The following PSTPIP2 variants were observed in gnomAD, a reference collection of about 807,000 sequenced individuals.
The protein encoded by PSTPIP2 is proline-serine-threonine phosphatase interacting protein 2.
Under a neutral mutation model 63.3 loss-of-function variants are expected in PSTPIP2, and 33 were observed. That is an observed-to-expected ratio of 0.52 (90% CI 0.40 to 0.70). PSTPIP2 has a LOEUF of 0.70. Among genes scored for constraint, PSTPIP2 ranks in the 30% least tolerant of loss-of-function variants. The pLI, the probability that PSTPIP2 is intolerant of heterozygous loss-of-function variation, is 0.00. For missense variants in PSTPIP2, 312 were observed against 400.7 expected, an observed-to-expected ratio of 0.78 and a Z score of 1.89; for synonymous variants, 125 against 132.7, an observed-to-expected ratio of 0.94 and a Z score of 0.40.
intron 9 of PSTPIP2, among the ~76,000 whole-genome samples, chr18:45,995,096 T>C (rs2051580022): frequency 1.3e-5 from 2 of 152,018 alleles, no homozygotes; most frequent in South Asian, 4.1e-4. Flanking sequence ...GGTTGTTTCG[T>C]TGTTTGGTTT....
chr18:45,987,994 CTTT>C (rs2051485067), intron 14 of PSTPIP2, among the ~76,000 whole-genome samples: 1 of 152,164 alleles, frequency 6.6e-6, no homozygotes, highest in South Asian at 2.1e-4. Context: ...ATTTGCACTT[CTTT>C]TTATTTGACT....
rs533241780 is a variant in PSTPIP2 at position 46,011,644 on chromosome 18, C to A, written c.248-357G>T. On this transcript the variant is annotated intron_variant, in intron 4 of 14. Transcript: ENST00000409746. Reference sequence around the variant, plus strand: ...TTGACTCTTCATTCTCTGTAGATGACCTCTAAGTTTCCTTCCATCTCTAAT... The same window carrying A: ...TTGACTCTTCATTCTCTGTAGATGAACTCTAAGTTTCCTTCCATCTCTAAT... Among the ~76,000 whole-genome samples the A allele has an allele frequency of 6.6e-5, 10 of 152,230 alleles. No homozygotes were observed. The South Asian group carries it at 2.1e-3, about 32-fold the overall frequency.
chr18:46,036,383 A>T (rs1907981214), intron 2 of PSTPIP2, among the ~76,000 whole-genome samples: 1 of 152,202 alleles, frequency 6.6e-6, no homozygotes, highest in Non-Finnish European at 1.5e-5. Context: ...AAGGTCAGAC[A>T]GCTAATAAGG....
In PSTPIP2 at chr18:45,987,135, A is replaced by C. The variant is rs7244712; in HGVS notation, c.*8+1567T>G. ...ATTACAGGCGTGAGCCACTGTGCCC[A>C]GTCATTAGCTGATTATTTTTATGTA... On this transcript the variant is annotated intron_variant, in intron 14 of 14. Transcript: ENST00000409746. 2.4e-4 allele frequency among the ~76,000 whole-genome samples: 37 copies of C among 152,188 alleles called. 1 individual carries two copies. The East Asian group carries it at 4.1e-3, about 17-fold the overall frequency.
At chr18:45,988,798 A>AT in intron 13 of PSTPIP2, 39 bp from the exon 14 acceptor site, 1 of 1,476,064 alleles carries the variant, frequency 6.8e-7, no homozygotes, top group African/African-American at 1.4e-5. Context: ...AGTAACATCA[A>AT]TTTTTCATAA....
intron 1 of PSTPIP2, among the ~76,000 whole-genome samples, chr18:46,051,933 G>A (rs777499083): frequency 2.2e-4 from 33 of 152,212 alleles, no homozygotes; most frequent in Admixed American, 1.3e-4. Flanking sequence ...TCAGTGATGC[G>A]TTCAAGATGT....
intron 1 of PSTPIP2, among the ~76,000 whole-genome samples, chr18:46,043,928 A>C (rs781708870): frequency 6.6e-6 from 1 of 152,216 alleles, no homozygotes; most frequent in Non-Finnish European, 1.5e-5. Context: ...GGATAACACA[A>C]GAAGTTTTGC....
chr18:46,072,082 C>A (rs1021476556), intron 1 of PSTPIP2, 74 bp downstream of exon 1: 17 of 1,497,538 alleles, frequency 1.1e-5, no homozygotes, highest in East Asian at 2.9e-5. Context: ...GGGAGCCCCC[C>A]ACGCCCGCCG....
At chr18:46,021,731 A>G (rs1221693653) in intron 3 of PSTPIP2, among the ~76,000 whole-genome samples, 1 of 151,260 alleles carries the variant, frequency 6.6e-6, no homozygotes, top group Admixed American at 6.6e-5. Context: ...GGATCACTTG[A>G]GGTCAGGAGT....
At chr18:46,060,833 G>C (rs1908963663) in intron 1 of PSTPIP2, among the ~76,000 whole-genome samples, 1 of 152,220 alleles carries the variant, frequency 6.6e-6, no homozygotes, top group Non-Finnish European at 1.5e-5. Flanking sequence ...TTTCTGCTTA[G>C]TTTCTGCAGG....
At chr18:46,032,308 A>G (rs1907811549) in intron 2 of PSTPIP2, among the ~76,000 whole-genome samples, 1 of 152,184 alleles carries the variant, frequency 6.6e-6, no homozygotes, top group African/African-American at 2.4e-5. Flanking sequence ...AATGTACAAA[A>G]TAGTACAGGA....
intron 2 of PSTPIP2, among the ~76,000 whole-genome samples, chr18:46,028,008 A>C (rs1461684518): frequency 6.6e-6 from 1 of 152,184 alleles, no homozygotes; most frequent in Non-Finnish European, 1.5e-5. Context: ...TAAAAATATA[A>C]AAATTAGCCA....
intron 9 of PSTPIP2, 43 bp from the exon 10 acceptor site, chr18:45,993,746 G>C (rs1170172859): frequency 6.5e-7 from 1 of 1,546,858 alleles, no homozygotes; most frequent in East Asian, 2.3e-5. Context: ...GCAAGGAAAA[G>C]GACCATTCAT....
At position 45,983,827 on chromosome 18, in the gene PSTPIP2, C is replaced by T. The variant is rs1461174598; in HGVS notation, c.*1632G>A. 6.6e-6 allele frequency: 1 copy of T among 152,186 alleles called. No individual in the cohort carries two copies. The highest frequency in any genetic ancestry group is 1.5e-5 in the Non-Finnish European group (1 of 68,050). The allele number at this position is 152,186 out of a possible 1,614,324, so 9.4% of individuals were successfully genotyped here. Reference sequence around the variant, plus strand: ...GTTTCCTGTCATGACAAGAAGCTGTCATGTTCAGTAGCACCTTACACGAAA... The same window carrying T: ...GTTTCCTGTCATGACAAGAAGCTGTTATGTTCAGTAGCACCTTACACGAAA... On this transcript the variant is annotated 3_prime_UTR_variant, in exon 15 of 15. Coordinates refer to ENST00000409746, the MANE Select transcript of PSTPIP2 (RefSeq NM_024430.4).
In PSTPIP2 at chr18:46,072,227, A is replaced by G. The variant is rs1288190150; in HGVS notation, c.-39T>C. 5 of 1,527,780 alleles carry G rather than the reference A, an allele frequency of 3.3e-6. No individual in the cohort carries two copies. Among genetic ancestry groups the G allele is most frequent in the East Asian group, 2.6e-5 (1 of 38,104 alleles). 94.6% of individuals were successfully genotyped at this position (1,527,780 alleles called of 1,614,324 possible). A position where few individuals can be genotyped will look rare whatever the true frequency, so the allele number is the denominator to read the frequency against. On this transcript the variant is annotated 5_prime_UTR_variant, in exon 1 of 15. Transcript: ENST00000409746. ...GGGGCGCGGAGGAGAGCCGGGCCGC[A>G]GGTAGCACAGAGCGGGGAGGCCTGA...
chr18:46,034,196 C>T (rs937873068), intron 2 of PSTPIP2, among the ~76,000 whole-genome samples: 9 of 152,038 alleles, frequency 5.9e-5, no homozygotes, highest in African/African-American at 1.9e-4. Context: ...CCTGAGGCAC[C>T]GGGGCTGTGG....
chr18:45,992,030 C>T, intron 11 of PSTPIP2, 47 bp from the exon 12 acceptor site: 1 of 1,594,378 alleles, frequency 6.3e-7, no homozygotes. Context: ...AGGCGTCTTT[C>T]ATCCTTAATG....
chr18:46,028,126 A>C (rs138015273), intron 2 of PSTPIP2, among the ~76,000 whole-genome samples: 1 of 152,172 alleles, frequency 6.6e-6, no homozygotes, highest in South Asian at 2.1e-4. Context: ...GCGCCATTGC[A>C]CTCCAGCCCG....
intron 2 of PSTPIP2, among the ~76,000 whole-genome samples, chr18:46,033,183 A>C (rs1013962821): frequency 2.6e-5 from 4 of 152,222 alleles, no homozygotes; most frequent in Non-Finnish European, 5.9e-5. Flanking sequence ...CCAGGTGTCT[A>C]AACTCCCATC....
Sources: gnomAD v4.1 joint callset for allele counts (sites outside exome capture counted in the v4.1 genomes callset) on GRCh38, gnomAD v4.1.1 for gene constraint, MANE v1.5 for transcripts, NCBI Gene and HGNC (gene_info 2026-07-23, HGNC 2026-07-21) for gene names.